SCP2: variants seen among roughly 807,000 people sequenced by gnomAD.
The protein encoded by SCP2 is SCP-2/3-oxoacyl-CoA thiolase.
Under a neutral mutation model 71.4 loss-of-function variants are expected in SCP2, and 48 were observed. The observed-to-expected ratio is 0.67, with a 90% CI of 0.53 to 0.86. The LOEUF (loss-of-function observed/expected upper bound fraction) is 0.86, where lower values mean the gene tolerates loss of function less well. Ranked by LOEUF, SCP2 falls within the 40% of genes least tolerant of loss-of-function variation. The pLI, the probability that SCP2 is intolerant of heterozygous loss-of-function variation, is 0.00. For missense variants in SCP2, 560 were observed against 655.6 expected (o/e 0.85, Z 1.59); for synonymous variants, 220 against 218.1 (o/e 1.01, Z -0.08).
chr1:52,948,925 T>C (rs972708372), intron 3 of SCP2, among the ~76,000 whole-genome samples: 7 of 150,576 alleles, frequency 4.6e-5, no homozygotes, highest in African/African-American at 1.5e-4. Context: ...AACATCTCTC[T>C]GTTTCCCCCA....
intron 6 of SCP2, among the ~76,000 whole-genome samples, chr1:52,962,532 A>G (rs1313180901): frequency 6.6e-6 from 1 of 152,028 alleles, no homozygotes; most frequent in Non-Finnish European, 1.5e-5. Context: ...TTGAAACCCA[A>G]ATGTCTTCTT....
chr1:52,967,836 C>A (rs144229868), intron 6 of SCP2, among the ~76,000 whole-genome samples: 4 of 152,216 alleles, frequency 2.6e-5, no homozygotes, highest in Non-Finnish European at 5.9e-5. Flanking sequence ...AACAGGTTTC[C>A]GATGTTCCTA....
chr1:53,001,387 G>T (rs1660306398), intron 11 of SCP2, among the ~76,000 whole-genome samples: 1 of 152,148 alleles, frequency 6.6e-6, no homozygotes. Context: ...GATGCACAAA[G>T]AGGAAGCATG....
Position 52,976,732 on chromosome 1 carries a change from A to G in SCP2, c.637A>G (p.Lys213Glu). Residue 213 changes from lysine (K) to glutamate (E), a missense_variant, in exon 8 of 16, where the codon AAA becomes GAA. By Grantham distance (56) the Lys-to-Glu change is moderately conservative. This residue lies in a region of SCP2 where 513 missense variants were observed against 573.1 expected (regional missense o/e 0.90). Coordinates refer to ENST00000371514, the MANE Select transcript of SCP2 (RefSeq NM_002979.5). ...CAGTTTAGATGAAGTGATGGCATCT[A>G]AAGAAGTTTTTGATTTTTTGACTAT... The part of the protein sequence containing the change: ...EYSLDEVMAS[K>E]EVFDFLTILQ... The G allele has an allele frequency of 1.9e-6, 3 of 1,567,084 alleles. No homozygotes were observed. The highest frequency in any genetic ancestry group is 2.6e-6 in the Non-Finnish European group (3 of 1,137,732).
intron 11 of SCP2, among the ~76,000 whole-genome samples, chr1:52,992,527 C>G (rs7530287): frequency 0.31 from 47,166 of 152,028 alleles, 12,053 homozygotes; most frequent in African/African-American, 0.7. Context: ...CAAGTACACT[C>G]AAATATCTAA....
Position 52,981,180 on chromosome 1 carries a change from C to G in SCP2, c.973+637C>G, listed in dbSNP as rs555311692. 7.2e-5 allele frequency among the ~76,000 whole-genome samples: 11 copies of G among 152,314 alleles called. No homozygotes were observed. The South Asian group carries it at 2.3e-3, about 32-fold the overall frequency. ...CTCCTGACCTCAGGTGATCCACCCA[C>G]CTAGGCTTCCTAAAGTGCTGGAATT... On this transcript the variant is annotated intron_variant, in intron 10 of 15. Transcript: ENST00000371514.
chr1:52,960,220 T>A (rs1303962598), intron 5 of SCP2, among the ~76,000 whole-genome samples: 7 of 152,114 alleles, frequency 4.6e-5, no homozygotes, highest in African/African-American at 1.7e-4. Context: ...TTCTACTCAC[T>A]TCTACTCATT....
chr1:52,932,216 A>G (rs1195361398), intron 1 of SCP2, among the ~76,000 whole-genome samples: 1 of 152,188 alleles, frequency 6.6e-6, no homozygotes, highest in Non-Finnish European at 1.5e-5. Flanking sequence ...TTGAAAAGCC[A>G]ATCCGATGAA....
At chr1:52,962,058 T>C (rs1001119052) in intron 6 of SCP2, among the ~76,000 whole-genome samples, 2 of 152,094 alleles carry the variant, frequency 1.3e-5, no homozygotes, top group East Asian at 1.9e-4. Flanking sequence ...TGCACCACCA[T>C]GTTCGGCTAA....
intron 5 of SCP2, among the ~76,000 whole-genome samples, chr1:52,958,606 TATG>T (rs34787005): frequency 0.39 from 59,172 of 151,876 alleles, 14,903 homozygotes; most frequent in Non-Finnish European, 0.57. Context: ...AGTTTGTTAA[TATG>T]ATGAATTATA....
intron 1 of SCP2, among the ~76,000 whole-genome samples, chr1:52,928,034 G>T (rs9887884): frequency 6.6e-6 from 1 of 152,186 alleles, no homozygotes; most frequent in East Asian, 1.9e-4. Flanking sequence ...CTCCCCGGAC[G>T]CAGTTGTCTG....
chr1:52,958,177 T>G (rs1655996364), intron 5 of SCP2, among the ~76,000 whole-genome samples: 1 of 152,304 alleles, frequency 6.6e-6, no homozygotes, highest in African/African-American at 2.4e-5. Context: ...TACTGTAGCT[T>G]TAGGTAACTC....
At chr1:53,005,394 T>C (rs1465020515) in intron 11 of SCP2, among the ~76,000 whole-genome samples, 2 of 152,146 alleles carry the variant, frequency 1.3e-5, no homozygotes, top group Non-Finnish European at 2.9e-5. Flanking sequence ...CAACACCTCA[T>C]ACAGCCGGGT....
chr1:52,960,652 ATATGTGTATATATATG>A (rs1167209979), intron 5 of SCP2, among the ~76,000 whole-genome samples: 16 of 147,756 alleles, frequency 1.1e-4, no homozygotes, highest in African/African-American at 3.7e-4. Context: ...ATGTATGTAT[ATATGTGTATATATATG>A]TATGTGTATA....
In SCP2 at chr1:53,051,222, A is replaced by G. The variant is rs989747684; in HGVS notation, c.*518A>G. On this transcript the variant is annotated 3_prime_UTR_variant, in exon 16 of 16. Transcript: ENST00000371514. ...ATCTAAAAATTTTGCATTTCATGCT[A>G]TCAGAAACAGTATTTTCTTCCCAAA... 1 of 152,432 alleles carries G rather than the reference A, an allele frequency of 6.6e-6. No homozygotes were observed. The highest frequency in any genetic ancestry group is 1.5e-5 in the Non-Finnish European group (1 of 68,194). The allele number at this position is 152,432 out of a possible 1,614,324, so 9.4% of individuals were successfully genotyped here. A position where few individuals can be genotyped will look rare whatever the true frequency, so the allele number is the denominator to read the frequency against.
At chr1:52,977,435 T>A (rs1205397795) in intron 8 of SCP2, among the ~76,000 whole-genome samples, 1 of 152,258 alleles carries the variant, frequency 6.6e-6, no homozygotes, top group Non-Finnish European at 1.5e-5. Context: ...GAAAAAGATC[T>A]GTTTAAGATC....
chr1:52,935,572 A>G (rs1452865132), intron 1 of SCP2, among the ~76,000 whole-genome samples: 4 of 145,056 alleles, frequency 2.8e-5, no homozygotes, highest in Non-Finnish European at 6.0e-5. Context: ...CCTCAGCCAC[A>G]GTGCGAGACT....
intron 13 of SCP2, 127 bp from the exon 14 acceptor site, chr1:53,038,790 A>G: frequency 8.8e-7 from 1 of 1,133,336 alleles, no homozygotes; most frequent in Non-Finnish European, 1.3e-6. Flanking sequence ...AAAAGATCAT[A>G]AGGGACCTTG....
intron 11 of SCP2, among the ~76,000 whole-genome samples, chr1:53,006,418 A>G (rs1660641941): frequency 6.6e-6 from 1 of 152,248 alleles, no homozygotes; most frequent in Admixed American, 6.5e-5. Flanking sequence ...CCAACAGACT[A>G]ACAGCGGATC....
Sources: allele counts gnomAD v4.1 joint callset (sites outside exome capture counted in the v4.1 genomes callset), GRCh38; gene constraint gnomAD v4.1.1; regional missense constraint gnomAD v4.1.1; transcripts MANE v1.5; gene names NCBI Gene and HGNC (gene_info 2026-07-23, HGNC 2026-07-21).